Variants in ATL1 observed in about 807,000 individuals in gnomAD.
The protein encoded by ATL1 is atlastin GTPase 1, also known as atlastin-1.
ATL1 carries 31 observed loss-of-function variants against 75.5 expected under a neutral mutation model. That is an observed-to-expected ratio of 0.41 (90% CI 0.31 to 0.55). The LOEUF (loss-of-function observed/expected upper bound fraction) is 0.55, where lower values mean the gene tolerates loss of function less well. Ranked by LOEUF, ATL1 falls within the 20% of genes least tolerant of loss-of-function variation. ATL1 has a pLI of 0.27. For missense variants in ATL1, 405 were observed against 662.6 expected (o/e 0.61, Z 4.27); for synonymous variants, 226 against 233.3 (o/e 0.97, Z 0.28).
chr14:50,590,566 C>T (rs1160493768), intron 2 of ATL1, among the ~76,000 whole-genome samples: 1 of 152,178 alleles, frequency 6.6e-6, no homozygotes, highest in Non-Finnish European at 1.5e-5. Flanking sequence ...CCTATGTGGT[C>T]TTGCCTGACC....
At chr14:50,553,191 G>C (rs2038724110) in intron 1 of ATL1, among the ~76,000 whole-genome samples, 1 of 151,252 alleles carries the variant, frequency 6.6e-6, no homozygotes, top group Non-Finnish European at 1.5e-5. Flanking sequence ...AGCTACTCAG[G>C]AGGCTGAAGC....
At chr14:50,618,587 A>G (rs942419859) in intron 8 of ATL1, among the ~76,000 whole-genome samples, 1 of 152,180 alleles carries the variant, frequency 6.6e-6, no homozygotes, top group Non-Finnish European at 1.5e-5. Flanking sequence ...GAAGTAAAGA[A>G]AACAAATTCT....
intron 2 of ATL1, among the ~76,000 whole-genome samples, chr14:50,589,462 C>T (rs184942803): frequency 2.6e-5 from 4 of 152,052 alleles, no homozygotes; most frequent in African/African-American, 4.8e-5. Flanking sequence ...CCAGCCTGAT[C>T]GACGTATTTC....
chr14:50,600,954 A>C (rs1232107292), intron 6 of ATL1, among the ~76,000 whole-genome samples: 1 of 152,112 alleles, frequency 6.6e-6, no homozygotes, highest in African/African-American at 2.4e-5. Context: ...AGTGAAAGAA[A>C]AAAAATCCAC....
Position 50,620,703 on chromosome 14 carries a change from C to T in ATL1, c.967C>T (p.Arg323Trp), listed in dbSNP as rs1454910238. The T allele has an allele frequency of 3.1e-6, 5 of 1,613,364 alleles. No individual in the cohort carries two copies. Among genetic ancestry groups the T allele is most frequent in the Non-Finnish European group, 3.4e-6 (4 of 1,179,688 alleles). The change falls in exon 9 of 14, where the codon CGG (arginine) becomes TGG (tryptophan). Residue 323 changes from arginine to tryptophan, a missense_variant. Coordinates refer to ENST00000358385, the MANE Select transcript of ATL1 (RefSeq NM_015915.5). ...KEINGNKITC[R>W]GLVEYFKAYI... ...GATCAATGGGAATAAAATCACCTGC[C>T]GGGGTCTGGTGGAGTACTTCAAGGT...
intron 1 of ATL1, among the ~76,000 whole-genome samples, chr14:50,547,768 A>G (rs1021161658): frequency 2.0e-5 from 3 of 152,128 alleles, no homozygotes; most frequent in African/African-American, 7.2e-5. Context: ...TTAAGCTGGG[A>G]AGTGTCCGTG....
chr14:50,587,681 T>C (rs1390529758), intron 1 of ATL1, 150 bp from the exon 2 acceptor site: 1 of 1,072,640 alleles, frequency 9.3e-7, no homozygotes, highest in Non-Finnish European at 1.4e-6. Context: ...GGTGCTAGGA[T>C]TACAGGCATG....
intron 6 of ATL1, among the ~76,000 whole-genome samples, chr14:50,601,086 C>T (rs2039267812): frequency 1.3e-5 from 2 of 151,970 alleles, no homozygotes; most frequent in Non-Finnish European, 2.9e-5. Flanking sequence ...CCAGCCTGGG[C>T]AACAGAGTGA....
intron 13 of ATL1, among the ~76,000 whole-genome samples, chr14:50,630,597 T>G (rs1230703172): frequency 6.6e-6 from 1 of 152,200 alleles, no homozygotes; most frequent in East Asian, 1.9e-4. Flanking sequence ...TCTGTTACAC[T>G]AAGAAAAATT....
chr14:50,549,775 G>A (rs1318369218), intron 1 of ATL1, among the ~76,000 whole-genome samples: 1 of 152,078 alleles, frequency 6.6e-6, no homozygotes, highest in African/African-American at 2.4e-5. Flanking sequence ...AAAAAGGAAT[G>A]GCCTTTTAAA....
chr14:50,610,223 G>A (rs950104846), intron 6 of ATL1, among the ~76,000 whole-genome samples: 52 of 151,984 alleles, frequency 3.4e-4, no homozygotes, highest in African/African-American at 1.2e-3. Flanking sequence ...TTTCCCTAGG[G>A]AAAACTGATA....
chr14:50,595,510 T>G (rs1051090724), intron 5 of ATL1, 66 bp from the exon 6 acceptor site: 2 of 1,483,228 alleles, frequency 1.3e-6, no homozygotes, highest in Non-Finnish European at 1.9e-6. Flanking sequence ...ACTTTGCAGG[T>G]GCTAAAGTTC....
At chr14:50,560,586 C>T (rs1471937768) in intron 1 of ATL1, 1 of 480,400 alleles carries the variant, frequency 2.1e-6, no homozygotes, top group Middle Eastern at 5.8e-4. Context: ...TTGGACAGCA[C>T]CCACCAGGCG....
intron 8 of ATL1, among the ~76,000 whole-genome samples, chr14:50,620,268 A>C (rs2039454820): frequency 6.6e-6 from 1 of 152,210 alleles, no homozygotes; most frequent in East Asian, 1.9e-4. Flanking sequence ...AAAACAAACA[A>C]ACAAAAAAGC....
At chr14:50,571,655 T>A (rs2038956232) in intron 1 of ATL1, among the ~76,000 whole-genome samples, 1 of 152,236 alleles carries the variant, frequency 6.6e-6, no homozygotes, top group Non-Finnish European at 1.5e-5. Flanking sequence ...GTTGAGGTGA[T>A]CTTGCATTTC....
At chr14:50,572,222 G>T in intron 1 of ATL1, 4 of 243,636 alleles carry the variant, frequency 1.6e-5, no homozygotes, top group African/African-American at 2.3e-5. Flanking sequence ...AAGGTATCAA[G>T]GTTATACTAA....
rs1489064938 is a variant in ATL1, at chr14:50,575,881, A to C, written c.35-11950A>C. On this transcript the variant is annotated intron_variant, in intron 1 of 13. Coordinates refer to ENST00000358385, the MANE Select transcript of ATL1 (RefSeq NM_015915.5). The stretch of plus-strand genomic sequence containing the variant: ...ATTCCCCTTCTACATGGCTAAATTC[A>C]GTAGCTGAGTGCCAGCTTCCAGTAA... 2.6e-5 allele frequency among the ~76,000 whole-genome samples: 4 copies of C among 152,206 alleles called. No homozygotes were observed. In the South Asian group the frequency reaches 6.2e-4, roughly 24 times the overall value.
At chr14:50,550,701 T>G (rs997089450) in intron 1 of ATL1, among the ~76,000 whole-genome samples, 1 of 152,222 alleles carries the variant, frequency 6.6e-6, no homozygotes, top group Non-Finnish European at 1.5e-5. Flanking sequence ...TCAAGTATCT[T>G]CTCAGACCAC....
intron 13 of ATL1, chr14:50,630,956 G>A (rs1466545623): frequency 1.3e-5 from 6 of 455,206 alleles, no homozygotes; most frequent in South Asian, 3.1e-5. Flanking sequence ...CCATACAGAC[G>A]TAATGCCATA....
Sources: gnomAD v4.1 joint callset for allele counts (sites outside exome capture counted in the v4.1 genomes callset) on GRCh38, gnomAD v4.1.1 for gene constraint, MANE v1.5 for transcripts, NCBI Gene and HGNC (gene_info 2026-07-23, HGNC 2026-07-21) for gene names.